SCD: variants seen among roughly 807,000 people sequenced by gnomAD.
SCD encodes acyl-CoA desaturase.
A neutral mutation model predicts 35.7 loss-of-function variants in SCD; 4 were observed. That is an observed-to-expected ratio of 0.11 (90% confidence interval 0.06 to 0.26). SCD has a LOEUF of 0.26. Ranked by LOEUF, SCD falls within the 10% of genes least tolerant of loss-of-function variation. The pLI is 1.00. For synonymous variants in SCD, 150 were observed against 170.2 expected (o/e 0.88, Z 0.92); for missense variants, 282 against 460.7 (o/e 0.61, Z 3.55).
chr10:100,351,703 C>T (rs965083452), intron 2 of SCD, among the ~76,000 whole-genome samples: 12 of 152,050 alleles, frequency 7.9e-5, no homozygotes, highest in African/African-American at 2.7e-4. Flanking sequence ...TGCAGTGGCG[C>T]GATCTTGGCT....
At chr10:100,349,158 G>C (rs185790062) in intron 2 of SCD, among the ~76,000 whole-genome samples, 3 of 152,350 alleles carry the variant, frequency 2.0e-5, no homozygotes, top group African/African-American at 7.2e-5. Context: ...GGCCAGGCCA[G>C]AAAAGAGAGC....
intron 5 of SCD, among the ~76,000 whole-genome samples, chr10:100,359,159 C>T (rs1321716477): frequency 6.6e-6 from 1 of 152,126 alleles, no homozygotes; most frequent in Non-Finnish European, 1.5e-5. Context: ...TCTGGGTGGC[C>T]ATGAGTTCAA....
Position 100,363,118 on chromosome 10 carries a change from A to G in SCD, c.*2185A>G, listed in dbSNP as rs1016136405. On this transcript the variant is annotated 3_prime_UTR_variant, in exon 6 of 6. Coordinates refer to ENST00000370355, the MANE Select transcript of SCD (RefSeq NM_005063.5). ...GGTGAACTGCAAAGCTTTGGCTGAG[A>G]CCTGGGATTTGAGATACCACAAACC... 1 of 152,276 alleles carries G rather than the reference A, an allele frequency of 6.6e-6. No homozygotes were observed. Among genetic ancestry groups the G allele is most frequent in the Non-Finnish European group, 1.5e-5 (1 of 68,058 alleles). The allele number at this position is 152,276 out of a possible 1,614,324, so 9.4% of individuals were successfully genotyped here. A position where few individuals can be genotyped will look rare whatever the true frequency, so the allele number is the denominator to read the frequency against.
intron 3 of SCD, 68 bp from the exon 4 acceptor site, chr10:100,354,359 G>C: frequency 1.4e-6 from 2 of 1,389,682 alleles, no homozygotes. Context: ...CTTGATACCT[G>C]TCCATTGGGA....
chr10:100,348,178 C>G lies in SCD; in HGVS notation c.142C>G (p.Pro48Ala), dbSNP rs202001360. The change falls in exon 2 of 6, where the codon CCT becomes GCT. Residue 48 changes from proline to alanine, a missense_variant. Physicochemically the swap from Pro to Ala is conservative, Grantham distance 27. This residue lies in a region of SCD where 77 missense variants were observed against 88.4 expected (regional missense o/e 0.87). Coordinates refer to ENST00000370355, the MANE Select transcript of SCD (RefSeq NM_005063.5). Reference protein sequence around the residue: ...MPLYLEDDIRPDIKDDIYDPT... With the variant: ...MPLYLEDDIRADIKDDIYDPT... ...CCTCTACTTGGAAGACGACATTCGC[C>G]CTGATATAAAAGATGATATATATGA... The G allele has an allele frequency of 2.5e-6, 4 of 1,613,898 alleles. No individual in the cohort carries two copies. The South Asian group carries it at 4.4e-5, about 18-fold the overall frequency.
chr10:100,360,197 A>T (rs1441755554), intron 5 of SCD, among the ~76,000 whole-genome samples: 1 of 151,854 alleles, frequency 6.6e-6, no homozygotes, highest in African/African-American at 2.4e-5. Flanking sequence ...GTGCTTCTTT[A>T]CTCATTTTTT....
chr10:100,363,060 A>G lies in SCD; in HGVS notation c.*2127A>G, dbSNP rs1011974346. 3.3e-5 allele frequency: 5 copies of G among 152,238 alleles called. No homozygotes were observed. The highest frequency in any genetic ancestry group is 4.8e-5 in the African/African-American group (2 of 41,434). The allele number at this position is 152,238 out of a possible 1,614,324, so 9.4% of individuals were successfully genotyped here. A position where few individuals can be genotyped will look rare whatever the true frequency, so the allele number is the denominator to read the frequency against. ...GCAAGGGCAAGAACCCAAGTGCCTC[A>G]CCTCGAAAGGAGGCCCTGTTCCCTG... is the stretch of plus-strand genomic sequence containing the variant. On this transcript the variant is annotated 3_prime_UTR_variant, in exon 6 of 6. Coordinates refer to ENST00000370355, the MANE Select transcript of SCD (RefSeq NM_005063.5).
rs1440478393 is a variant in SCD, at chr10:100,356,240, G to T, written c.648-292G>T. ...AAAAAATTAAAAACTAAATGGGCAC[G>T]ATGGTTCATGCCTGTGGTCCCAGCT... On this transcript the variant is annotated intron_variant, in intron 4 of 5. Coordinates refer to ENST00000370355, the MANE Select transcript of SCD (RefSeq NM_005063.5). This position sits in a 1 kb window ranked among gnomAD's most constrained non-coding sequence, Gnocchi z 4.1. 6.6e-6 allele frequency among the ~76,000 whole-genome samples: 1 copy of T among 152,186 alleles called. No homozygotes were observed. Among genetic ancestry groups the T allele is most frequent in the South Asian group, 2.1e-4 (1 of 4,826 alleles).
chr10:100,349,318 C>T (rs1289884587), intron 2 of SCD, among the ~76,000 whole-genome samples: 1 of 152,208 alleles, frequency 6.6e-6, no homozygotes, highest in Admixed American at 6.5e-5. Flanking sequence ...GCTTTTTCAC[C>T]TCTGTCACTA....
intron 2 of SCD, among the ~76,000 whole-genome samples, chr10:100,351,412 T>C (rs1849871360): frequency 6.6e-6 from 1 of 152,100 alleles, no homozygotes; most frequent in Non-Finnish European, 1.5e-5. Flanking sequence ...TGCATGTATC[T>C]TGGGGGAGGT....
intron 2 of SCD, among the ~76,000 whole-genome samples, chr10:100,348,804 G>A (rs1190251523): frequency 6.6e-6 from 1 of 152,160 alleles, no homozygotes; most frequent in Non-Finnish European, 1.5e-5. Context: ...TATTGGAAAG[G>A]GAGGAGAGAG....
chr10:100,353,224 A>G (rs1444974814), intron 3 of SCD, among the ~76,000 whole-genome samples: 2 of 152,204 alleles, frequency 1.3e-5, no homozygotes, highest in Non-Finnish European at 2.9e-5. Context: ...GATTAGATAG[A>G]CCAGCCCAAC....
intron 4 of SCD, 24 bp downstream of exon 4, chr10:100,354,656 G>C: frequency 6.3e-7 from 1 of 1,589,186 alleles, no homozygotes; most frequent in Non-Finnish European, 8.6e-7. Context: ...TGATGGAGGT[G>C]GGGATATGGC....
At position 100,356,718 on chromosome 10, in the gene SCD, G is replaced by C. The variant is rs1849932436; in HGVS notation, c.834G>C (p.Lys278Asn). 6.2e-7 allele frequency: 1 copy of C among 1,614,268 alleles called. No individual in the cohort carries two copies. The highest frequency in any genetic ancestry group is 8.5e-7 in the Non-Finnish European group (1 of 1,180,054). ...TCTTCGGATATCGTCCTTATGACAA[G>C]AACATTAGCCCCCGGGAGAATATCC... ...AHLFGYRPYD[K>N]NISPRENILV... The change falls in exon 5 of 6, where the codon AAG becomes AAC. Residue 278 changes from lysine (K) to asparagine (N), a missense_variant. Transcript: ENST00000370355. The surrounding 1 kb of genome is among the most constrained non-coding windows in gnomAD (Gnocchi z 4.1).
At position 100,363,695 on chromosome 10, in the gene SCD, T is replaced by A. The variant is rs199542835; in HGVS notation, c.*2762T>A. The stretch of plus-strand genomic sequence containing the variant: ...TGGCACCTCAGGCTGAGGGCCCCAA[T>A]GTATGTGTGGCTGTGGGTGTGGGTG... On this transcript the variant is annotated 3_prime_UTR_variant, in exon 6 of 6. Transcript: ENST00000370355. 1 of 152,558 alleles carries A rather than the reference T, an allele frequency of 6.6e-6. No homozygotes were observed. Among genetic ancestry groups the A allele is most frequent in the African/African-American group, 2.4e-5 (1 of 41,412 alleles). The allele number at this position is 152,558 out of a possible 1,614,324, so 9.5% of individuals were successfully genotyped here.
At chr10:100,347,638 G>A (rs1364741297) in intron 1 of SCD, 107 bp downstream of exon 1, 52 of 1,309,170 alleles carry the variant, frequency 4.0e-5, no homozygotes, top group Non-Finnish European at 5.4e-5. Context: ...GGAGGACTTG[G>A]TCATCTTTTT....
At chr10:100,348,606 G>C (rs1311571117) in intron 2 of SCD, among the ~76,000 whole-genome samples, 1 of 151,974 alleles carries the variant, frequency 6.6e-6, no homozygotes, top group East Asian at 1.9e-4. Context: ...TGGAGAGTCA[G>C]CTTTCCCTGA....
chr10:100,348,204 C>A lies in SCD; in HGVS notation c.168C>A (p.Asp56Glu). The change falls in exon 2 of 6, where the codon GAC (aspartate) becomes GAA (glutamate). Residue 56 changes from aspartate to glutamate, a missense_variant. Asp to Glu is a conservative substitution (Grantham distance 45). Around this residue, in one of 2 missense-constraint regions of SCD, gnomAD observed 77 missense variants for 88.4 expected, o/e 0.87. Coordinates refer to ENST00000370355, the MANE Select transcript of SCD (RefSeq NM_005063.5). Reference sequence around the variant, plus strand: ...CTGATATAAAAGATGATATATATGACCCCACCTACAAGGATAAGGAAGGCC... The same window carrying A: ...CTGATATAAAAGATGATATATATGAACCCACCTACAAGGATAAGGAAGGCC... Reference protein sequence around the residue: ...IRPDIKDDIYDPTYKDKEGPS... With the variant: ...IRPDIKDDIYEPTYKDKEGPS... 6.2e-7 allele frequency: 1 copy of A among 1,614,058 alleles called. No homozygotes were observed. The highest frequency in any genetic ancestry group is 8.5e-7 in the Non-Finnish European group (1 of 1,180,016).
At chr10:100,348,548 T>C (rs1380638509) in intron 2 of SCD, among the ~76,000 whole-genome samples, 9 of 151,336 alleles carry the variant, frequency 5.9e-5, no homozygotes, top group African/African-American at 2.2e-4. Context: ...ATGCTGGGGG[T>C]TGAGAGCTTT....
Sources: gnomAD v4.1 joint callset for allele counts (sites outside exome capture counted in the v4.1 genomes callset) on GRCh38, gnomAD v4.1.1 for gene constraint, gnomAD v4.1.1 regional missense constraint, Gnocchi (gnomAD v3.1) non-coding constraint, MANE v1.5 for transcripts, NCBI Gene and HGNC (gene_info 2026-07-23, HGNC 2026-07-21) for gene names.